The following TENM3 variants were observed in gnomAD, a reference collection of about 807,000 sequenced individuals.
The protein encoded by TENM3 is teneurin-3.
Under a neutral mutation model 255.1 loss-of-function variants are expected in TENM3, and 63 were observed. That is an observed-to-expected ratio of 0.25 (90% CI 0.20 to 0.30). The LOEUF (loss-of-function observed/expected upper bound fraction) is 0.30, where lower values mean the gene tolerates loss of function less well. Among genes scored for constraint, TENM3 ranks in the 10% least tolerant of loss-of-function variants. TENM3 has a pLI of 1.00. For synonymous variants in TENM3, 1,306 were observed against 1,322.3 expected, an observed-to-expected ratio of 0.99 and a Z score of 0.27; for missense variants, 2,929 against 3,461.1, an observed-to-expected ratio of 0.85 and a Z score of 3.86.
chr4:182,722,575 C>T (rs749846071), intron 13 of TENM3, among the ~76,000 whole-genome samples: 3 of 152,034 alleles, frequency 2.0e-5, no homozygotes, highest in Non-Finnish European at 4.4e-5. Flanking sequence ...TAGAGATCTC[C>T]GGGCAAAGGA....
chr4:181,455,365 A>T, the TENM3 span, among the ~76,000 whole-genome samples: 1 of 152,128 alleles, frequency 6.6e-6, no homozygotes, highest in African/African-American at 2.4e-5. Flanking sequence ...AGGTTCTAAC[A>T]TCCCCACATG....
At chr4:182,039,426 A>G in the TENM3 span, among the ~76,000 whole-genome samples, 3 of 152,262 alleles carry the variant, frequency 2.0e-5, no homozygotes, top group East Asian at 3.9e-4. Flanking sequence ...TTGCTGTGCC[A>G]TGGCAGCACT....
chr4:182,411,244 T>C (rs1280857756), intron 3 of TENM3, among the ~76,000 whole-genome samples: 1 of 152,232 alleles, frequency 6.6e-6, no homozygotes, highest in Non-Finnish European at 1.5e-5. Flanking sequence ...AGTAATTTCT[T>C]GATAGTAACT....
At chr4:182,751,384 T>C (rs758046702) in intron 19 of TENM3, among the ~76,000 whole-genome samples, 3 of 152,228 alleles carry the variant, frequency 2.0e-5, no homozygotes, top group Non-Finnish European at 4.4e-5. Flanking sequence ...TATATTGTAC[T>C]TCACTGGAGA....
chr4:182,781,488 T>G (rs1479945639), intron 24 of TENM3, among the ~76,000 whole-genome samples: 3 of 151,992 alleles, frequency 2.0e-5, no homozygotes, highest in Non-Finnish European at 4.4e-5. Flanking sequence ...TTTGCATCAA[T>G]GTTCATCAAG....
Position 182,761,271 on chromosome 4 carries a change from T to C in TENM3, c.4892+6012T>C, listed in dbSNP as rs551940367. On this transcript the variant is annotated intron_variant, in intron 22 of 27. Transcript: ENST00000511685. ...CTGTCTCTACTAGAAATACAAAAAT[T>C]AGCCGGGCGTGGTGGCACTCACCTA... Among the ~76,000 whole-genome samples, 7 of 151,950 alleles carry C rather than the reference T, an allele frequency of 4.6e-5. No homozygotes were observed. The South Asian group carries it at 1.3e-3, about 27-fold the overall frequency.
rs1561152437 is a variant in TENM3 at position 182,161,628 on chromosome 4, A to ACAC, written c.-76+16874_-76+16875insCAC. On this transcript the variant is annotated intron_variant, in intron 1 of 2. Transcript: ENST00000512480. ...ATATATATATGTATATATATATACA[A>ACAC]ATATATATATGTATATATATATATA... 2.3e-4 allele frequency among the ~76,000 whole-genome samples: 19 copies of ACAC among 84,138 alleles called. No individual in the cohort carries two copies. In the East Asian group the frequency reaches 0.014, roughly 61 times the overall value. 55.2% of individuals were successfully genotyped at this position (84,138 alleles called of 152,430 possible).
At chr4:182,063,835 T>C in the TENM3 span, among the ~76,000 whole-genome samples, 2 of 152,160 alleles carry the variant, frequency 1.3e-5, no homozygotes, top group Non-Finnish European at 2.9e-5. Flanking sequence ...TGTGCTCTCC[T>C]ATGTGAATTC....
the TENM3 span, among the ~76,000 whole-genome samples, chr4:181,726,938 A>C: frequency 2.6e-5 from 4 of 152,160 alleles, no homozygotes; most frequent in Non-Finnish European, 1.5e-5. Flanking sequence ...ACTTACTTAC[A>C]TGTACTGGTT....
chr4:181,810,979 G>A, the TENM3 span, among the ~76,000 whole-genome samples: 4 of 152,066 alleles, frequency 2.6e-5, no homozygotes, highest in African/African-American at 4.8e-5. Context: ...TGAGGAAAGA[G>A]GGGATAGAAG....
At chr4:182,367,432 C>T (rs754902065) in intron 3 of TENM3, among the ~76,000 whole-genome samples, 1 of 152,158 alleles carries the variant, frequency 6.6e-6, no homozygotes, top group Admixed American at 6.5e-5. Flanking sequence ...AGAACTGAGA[C>T]GCGATGAACA....
intron 12 of TENM3, among the ~76,000 whole-genome samples, chr4:182,694,722 C>T (rs1489062007): frequency 2.0e-5 from 3 of 152,140 alleles, no homozygotes; most frequent in Non-Finnish European, 4.4e-5. Context: ...CTGTTAAACA[C>T]CAGGGCTGCC....
the TENM3 span, among the ~76,000 whole-genome samples, chr4:181,595,430 C>CAAAAAAAAA: frequency 7.2e-5 from 3 of 41,854 alleles, no homozygotes; most frequent in Non-Finnish European, 9.8e-5. Flanking sequence ...GACTCCATCC[C>CAAAAAAAAA]AAAAAAAAAA....
chr4:182,644,114 C>T (rs1752543541), intron 5 of TENM3, among the ~76,000 whole-genome samples: 1 of 152,160 alleles, frequency 6.6e-6, no homozygotes, highest in Admixed American at 6.5e-5. Context: ...CTTCAGGTGA[C>T]TGATGGCTGG....
At position 182,751,783 on chromosome 4, in the gene TENM3, TA is replaced by T. The variant is rs1289230755; in HGVS notation, c.3630-16del. 1 of 1,591,530 alleles carries T rather than the reference TA, an allele frequency of 6.3e-7. No homozygotes were observed. The highest frequency in any genetic ancestry group is 1.3e-5 in the African/African-American group (1 of 74,560). On this transcript the variant is annotated splice_polypyrimidine_tract_variant and intron_variant, in intron 19 of 27. Coordinates refer to ENST00000511685, the MANE Select transcript of TENM3 (RefSeq NM_001080477.4). ...GGAGTAACTCCCTTTGATGTTTATC[TA>T]TGATCCTTTTCACAGCAGCAACCCA...
chr4:182,100,858 CTCATATATATATATAT>C, the TENM3 span, among the ~76,000 whole-genome samples: 631 of 5,470 alleles, frequency 0.12, 247 homozygotes, highest in South Asian at 0.65. Context: ...TATATATATA[CTCATATATATATATAT>C]AGAGAGAGAG....
Position 182,801,159 on chromosome 4 carries a change from C to T in TENM3, c.*808C>T, listed in dbSNP as rs1459214430. 19 of 152,222 alleles carry T rather than the reference C, an allele frequency of 1.2e-4. No homozygotes were observed. Among genetic ancestry groups the T allele is most frequent in the Admixed American group, 1.2e-3 (19 of 15,248 alleles). The allele number at this position is 152,222 out of a possible 1,614,324, so 9.4% of individuals were successfully genotyped here. On this transcript the variant is annotated 3_prime_UTR_variant, in exon 28 of 28. Transcript: ENST00000511685. ...TGTGATTTTTTTAAAAGGATTGCACCTTTTGTTATCTGTTATAGCTGTACA... is the reference window on the plus strand; with the variant it reads ...TGTGATTTTTTTAAAAGGATTGCACTTTTTGTTATCTGTTATAGCTGTACA...
intron 1 of TENM3, among the ~76,000 whole-genome samples, chr4:182,212,602 G>A (rs1755128710): frequency 6.6e-6 from 1 of 152,114 alleles, no homozygotes; most frequent in African/African-American, 2.4e-5. Context: ...AGCTGAAATA[G>A]ATTGCTTACA....
At chr4:181,883,191 AG>A in the TENM3 span, among the ~76,000 whole-genome samples, 1 of 138,588 alleles carries the variant, frequency 7.2e-6, no homozygotes, top group South Asian at 2.2e-4. Flanking sequence ...CGGGTAAAAA[AG>A]CTTATTACTC....
Sources: gnomAD v4.1 joint callset for allele counts (sites outside exome capture counted in the v4.1 genomes callset) on GRCh38, gnomAD v4.1.1 for gene constraint, MANE v1.5 for transcripts, NCBI Gene and HGNC (gene_info 2026-07-23, HGNC 2026-07-21) for gene names.